Variants in ALK observed in about 807,000 individuals in gnomAD.
ALK encodes the protein ALK receptor tyrosine kinase, also known as ALK tyrosine kinase receptor.
ALK carries 74 observed loss-of-function variants against 163.1 expected under a neutral mutation model. The ratio of observed to expected loss-of-function variants is 0.45; its 90% CI spans 0.38 to 0.55. The LOEUF is 0.55. ALK is among the 20% of genes least tolerant of loss of function. ALK has a pLI of 0.00. For missense variants in ALK, 2,063 were observed against 2,105.3 expected (o/e 0.98, Z 0.39); for synonymous variants, 960 against 843.2 (o/e 1.14, Z -2.40).
intron 3 of ALK, among the ~76,000 whole-genome samples, chr2:29,571,785 T>G (rs1674382733): frequency 6.6e-6 from 1 of 151,800 alleles, no homozygotes; most frequent in Non-Finnish European, 1.5e-5. Flanking sequence ...CCTAGCTCAT[T>G]TTTGTATTTT....
chr2:29,508,895 C>G (rs1465816139), intron 4 of ALK, among the ~76,000 whole-genome samples: 1 of 151,976 alleles, frequency 6.6e-6, no homozygotes, highest in Non-Finnish European at 1.5e-5. Context: ...CCCAAGCGTG[C>G]CCAGTCATGG....
At chr2:29,448,809 C>G (rs1417164118) in intron 4 of ALK, among the ~76,000 whole-genome samples, 2 of 152,168 alleles carry the variant, frequency 1.3e-5, no homozygotes, top group East Asian at 3.8e-4. Context: ...AGTGTCCAGA[C>G]CGGTCACCCC....
At chr2:29,367,883 A>T (rs1228477234) in intron 5 of ALK, among the ~76,000 whole-genome samples, 2 of 152,224 alleles carry the variant, frequency 1.3e-5, no homozygotes, top group Admixed American at 6.5e-5. Flanking sequence ...CTCTGAAATC[A>T]TCTGAAATAT....
intron 4 of ALK, among the ~76,000 whole-genome samples, chr2:29,468,729 C>T (rs62131816): frequency 6.6e-6 from 1 of 151,074 alleles, no homozygotes; most frequent in Admixed American, 6.6e-5. Context: ...CAGCATGTGC[C>T]TGTGGTCCCA....
At chr2:29,523,590 C>G (rs1447764700) in intron 4 of ALK, among the ~76,000 whole-genome samples, 1 of 152,220 alleles carries the variant, frequency 6.6e-6, no homozygotes, top group Non-Finnish European at 1.5e-5. Flanking sequence ...CAGTGAGGCT[C>G]AGTAAACACT....
chr2:29,744,925 G>T (rs1248205799), intron 1 of ALK, among the ~76,000 whole-genome samples: 1 of 152,160 alleles, frequency 6.6e-6, no homozygotes, highest in Non-Finnish European at 1.5e-5. Context: ...ACCCAGGCAA[G>T]TCCATTTTCA....
chr2:29,204,207 G>A lies in ALK; in HGVS notation c.3938+2964C>T, dbSNP rs766266141. ...GCTACTGTTAGCATCACACTAGTGC[G>A]ATACACGTGTTACAATTAATGAACC... On this transcript the variant is annotated intron_variant, in intron 26 of 28. Transcript: ENST00000389048. Among the ~76,000 whole-genome samples, 7 of 152,110 alleles carry A rather than the reference G, an allele frequency of 4.6e-5. 1 individual carries two copies. The highest frequency in any genetic ancestry group is 3.2e-3 in the Middle Eastern group (1 of 316).
Position 29,763,042 on chromosome 2 carries a change from G to A in ALK, c.668-45345C>T, listed in dbSNP as rs540290527. On this transcript the variant is annotated intron_variant, in intron 1 of 28. Coordinates refer to ENST00000389048, the MANE Select transcript of ALK (RefSeq NM_004304.5). ...GCGGAGGTTGCAGTGAGCCGAGATC[G>A]CGCCACTGCACTCGAGCCTAGGCGA... 4.7e-5 allele frequency among the ~76,000 whole-genome samples: 7 copies of A among 148,294 alleles called. No individual in the cohort carries two copies. In the South Asian group the frequency reaches 6.5e-4, roughly 14 times the overall value.
chr2:29,532,180 G>C, intron 3 of ALK, 64 bp from the exon 4 acceptor site: 1 of 1,493,922 alleles, frequency 6.7e-7, no homozygotes, highest in Non-Finnish European at 9.3e-7. Flanking sequence ...GTAGCTCTGT[G>C]GCAAGACTTA....
chr2:29,347,380 T>C (rs1667981663), intron 5 of ALK, among the ~76,000 whole-genome samples: 1 of 152,208 alleles, frequency 6.6e-6, no homozygotes, highest in South Asian at 2.1e-4. Context: ...CTCATTTCCA[T>C]GAGCACTTGG....
intron 1 of ALK, among the ~76,000 whole-genome samples, chr2:29,754,646 C>T (rs1363795115): frequency 6.6e-6 from 1 of 151,964 alleles, no homozygotes; most frequent in Non-Finnish European, 1.5e-5. Context: ...GCCATGATCA[C>T]ACCACCACAC....
intron 1 of ALK, among the ~76,000 whole-genome samples, chr2:29,825,925 C>T (rs926991334): frequency 6.6e-6 from 1 of 152,112 alleles, no homozygotes; most frequent in Non-Finnish European, 1.5e-5. Context: ...GGGGTTAGAA[C>T]AGAGTGACTA....
At chr2:29,833,099 C>G (rs1665463585) in intron 1 of ALK, among the ~76,000 whole-genome samples, 1 of 152,162 alleles carries the variant, frequency 6.6e-6, no homozygotes, top group Non-Finnish European at 1.5e-5. Flanking sequence ...AGAGGGCTGT[C>G]AGGGGACAAG....
intron 1 of ALK, among the ~76,000 whole-genome samples, chr2:29,767,868 T>A (rs546888090): frequency 7.9e-5 from 12 of 152,332 alleles, no homozygotes; most frequent in African/African-American, 2.9e-4. Flanking sequence ...ACAGGCAAGA[T>A]GAAAGGACAT....
At chr2:29,885,175 T>C (rs1236701633) in intron 1 of ALK, among the ~76,000 whole-genome samples, 1 of 152,208 alleles carries the variant, frequency 6.6e-6, no homozygotes, top group Non-Finnish European at 1.5e-5. Context: ...TTTAAAGTTA[T>C]TTTGATATTG....
At chr2:29,753,297 C>G (rs1201395419) in intron 1 of ALK, among the ~76,000 whole-genome samples, 1 of 152,198 alleles carries the variant, frequency 6.6e-6, no homozygotes, top group Non-Finnish European at 1.5e-5. Flanking sequence ...GTGCAAGGAA[C>G]CAGAGTGCTT....
At chr2:29,690,916 C>T (rs1213560207) in intron 3 of ALK, among the ~76,000 whole-genome samples, 1 of 152,070 alleles carries the variant, frequency 6.6e-6, no homozygotes, top group Non-Finnish European at 1.5e-5. Flanking sequence ...CAACCCATCC[C>T]CACTTCTCAT....
At chr2:29,686,307 G>T (rs563828066) in intron 3 of ALK, among the ~76,000 whole-genome samples, 3 of 152,140 alleles carry the variant, frequency 2.0e-5, no homozygotes, top group African/African-American at 7.2e-5. Context: ...GGTTTCTGGA[G>T]GCAATGATCC....
chr2:29,356,051 G>A (rs1238176849), intron 5 of ALK, among the ~76,000 whole-genome samples: 2 of 152,100 alleles, frequency 1.3e-5, no homozygotes, highest in African/African-American at 4.8e-5. Flanking sequence ...TCCTGAAGAG[G>A]CACTTGTTAG....
Sources: gnomAD v4.1 joint callset for allele counts (sites outside exome capture counted in the v4.1 genomes callset) on GRCh38, gnomAD v4.1.1 for gene constraint, MANE v1.5 for transcripts, NCBI Gene and HGNC (gene_info 2026-07-23, HGNC 2026-07-21) for gene names.